PYGM: variants seen among roughly 807,000 people sequenced by gnomAD.
The protein encoded by PYGM is glycogen phosphorylase, muscle associated, also known as glycogen phosphorylase, muscle form.
PYGM carries 81 observed loss-of-function variants against 99.3 expected under a neutral mutation model. The observed-to-expected ratio is 0.82, with a 90% confidence interval of 0.68 to 0.98. The LOEUF is 0.98. Among genes scored for constraint, PYGM ranks in the 50% least tolerant of loss-of-function variants. The pLI, the probability that PYGM is intolerant of heterozygous loss-of-function variation, is 0.00. For synonymous variants in PYGM, 436 were observed against 451.5 expected (o/e 0.97, Z 0.44); for missense variants, 1,030 against 1,158.1 (o/e 0.89, Z 1.61).
rs1392346032 is a variant in PYGM at position 64,758,663 on chromosome 11, C to T, written c.285G>A (p.Thr95=). 12 of 1,613,074 alleles carry T rather than the reference C, an allele frequency of 7.4e-6. No individual in the cohort carries two copies. Among genetic ancestry groups the T allele is most frequent in the South Asian group, 3.3e-5 (3 of 91,062 alleles). ...CCAGGTTCACCATGGTGTTCTGTAG[C>T]GTCCGTCCCATATAGAACTCTAAAG... is the stretch of plus-strand genomic sequence containing the variant. ...YLSLEFYMGR[T]LQNTMVNLAL... The change falls in exon 2 of 20, where the codon ACG becomes ACA. Residue 95 remains threonine, a synonymous_variant. Coordinates refer to ENST00000164139, the MANE Select transcript of PYGM (RefSeq NM_005609.4).
Position 64,752,086 on chromosome 11 carries a change from G to A in PYGM, c.1621-15C>T, listed in dbSNP as rs776525656. 2.4e-5 allele frequency: 38 copies of A among 1,613,834 alleles called. No homozygotes were observed. The highest frequency in any genetic ancestry group is 4.4e-5 in the South Asian group (4 of 91,058). On this transcript the variant is annotated splice_polypyrimidine_tract_variant and intron_variant, in intron 13 of 19. Transcript: ENST00000164139. ...AACTTGTTTTCCTGGAGGCAGAGAC[G>A]GGGAAGGGCTCACCAACAGGCCACA...
At chr11:64,758,815 A>G in intron 1 of PYGM, 111 bp from the exon 2 acceptor site, 1 of 938,918 alleles carries the variant, frequency 1.1e-6, no homozygotes. Flanking sequence ...CAGCAGTCCC[A>G]TCCCTGTCCC....
In PYGM at chr11:64,753,900, C is replaced by T. The variant is rs757762621; in HGVS notation, c.1218G>A (p.Glu406=). ...TCACGTTGAGGAAGCGCTGGTTGAT[C>T]TCGTAGATGATCTGGAGGTGCCGCG... is the stretch of plus-strand genomic sequence containing the variant. ...LLPRHLQIIY[E]INQRFLNRVA... Residue 406 remains glutamate, a synonymous_variant, in exon 10 of 20, where the codon GAG becomes GAA. Transcript: ENST00000164139. 1.3e-6 allele frequency: 2 copies of T among 1,584,168 alleles called. No homozygotes were observed. The highest frequency in any genetic ancestry group is 2.3e-5 in the South Asian group (2 of 86,902).
rs180707608 is a variant in PYGM at position 64,753,408 on chromosome 11, G to A, written c.1403+111C>T. The A allele has an allele frequency of 3.6e-4, 517 of 1,429,202 alleles. No homozygotes were observed. The African/African-American group carries it at 6.7e-3, about 19-fold the overall frequency. 88.5% of individuals were successfully genotyped at this position (1,429,202 alleles called of 1,614,324 possible). A position where few individuals can be genotyped will look rare whatever the true frequency, so the allele number is the denominator to read the frequency against. On this transcript the variant is annotated intron_variant, in intron 11 of 19. Transcript: ENST00000164139. The stretch of plus-strand genomic sequence containing the variant: ...AAGAATGACGCCACCTGTGAAAGGC[G>A]CCAGGGCCCAGAGACCAGAGAGTGG...
chr11:64,760,189 G>A, upstream of PYGM: 2 of 453,544 alleles, frequency 4.4e-6, no homozygotes. Context: ...TCCAGGCCTT[G>A]CACATGGTCT....
intron 1 of PYGM, 128 bp downstream of exon 1, chr11:64,759,528 G>T: frequency 1.4e-6 from 2 of 1,455,102 alleles, no homozygotes; most frequent in South Asian, 1.2e-5. Flanking sequence ...CACCCCTTGT[G>T]CCTGGCACCC....
intron 11 of PYGM, 41 bp from the exon 12 acceptor site, chr11:64,753,228 T>C: frequency 2.0e-6 from 3 of 1,536,956 alleles, no homozygotes; most frequent in Non-Finnish European, 2.7e-6. Context: ...CTCACCCCTG[T>C]ACAATGAAGG....
chr11:64,757,833 G>T lies in PYGM; in HGVS notation c.606C>A (p.His202Gln). Residue 202 changes from histidine to glutamine, a missense_variant, in exon 5 of 20, where the codon CAC becomes CAA. By Grantham distance (24) the His-to-Gln change is conservative (BLOSUM62 0). Transcript: ENST00000164139. ...TGGTGTGCTCCACATGGCCGTAGAA[G>T]TGCACAGGTAGCGTGAACTCGGGCC... ...KARPEFTLPV[H>Q]FYGHVEHTSQ... 1 of 1,614,152 alleles carries T rather than the reference G, an allele frequency of 6.2e-7. No homozygotes were observed. Among genetic ancestry groups the T allele is most frequent in the Non-Finnish European group, 8.5e-7 (1 of 1,180,042 alleles).
At chr11:64,752,555 C>G (rs2058364364) in intron 12 of PYGM, 51 bp from the exon 13 acceptor site, 1 of 1,538,206 alleles carries the variant, frequency 6.5e-7, no homozygotes, top group Non-Finnish European at 8.9e-7. Context: ...CTCCCTCCTC[C>G]CAACACAGAA....
In PYGM at chr11:64,750,499, T is replaced by C. The variant is rs765656412; in HGVS notation, c.2054A>G (p.Asn685Ser). 8.1e-6 allele frequency: 13 copies of C among 1,614,098 alleles called. No homozygotes were observed. In the Admixed American group the frequency reaches 8.3e-5, roughly 10 times the overall value. Residue 685 changes from asparagine (N) to serine (S), a missense_variant, in exon 17 of 20, where the codon AAC (asparagine) becomes AGC (serine). Transcript: ENST00000164139. The part of the protein sequence containing the change: ...SGTGNMKFML[N>S]GALTIGTMDG... ...CATGGTGCCAATGGTCAGAGCCCCG[T>C]TGAGCATGAACTTCATGTTGCCGGT...
chr11:64,751,610 A>G lies in PYGM; in HGVS notation c.1814T>C (p.Met605Thr). The G allele has an allele frequency of 6.2e-7, 1 of 1,613,954 alleles. No individual in the cohort carries two copies. Among genetic ancestry groups the G allele is most frequent in the Non-Finnish European group, 8.5e-7 (1 of 1,179,896 alleles). The change falls in exon 15 of 20, where the codon ATG (methionine) becomes ACG (threonine). Residue 605 changes from methionine (M) to threonine (T), a missense_variant. Coordinates refer to ENST00000164139, the MANE Select transcript of PYGM (RefSeq NM_005609.4). ...CTGGCTTCTCACCTTCCCTCCAATC[A>G]TCACAGTCCGAGGCACAAAAAACTT... ...PNKFFVPRTV[M>T]IGGKAAPGYH...
intron 18 of PYGM, 52 bp downstream of exon 18, chr11:64,747,172 C>T (rs2058318032): frequency 7.5e-6 from 12 of 1,607,952 alleles, no homozygotes; most frequent in Non-Finnish European, 1.0e-5. Flanking sequence ...ACACCTGAGC[C>T]TCGATCTGCC....
intron 16 of PYGM, 52 bp from the exon 17 acceptor site, chr11:64,750,635 A>C (rs2058349891): frequency 6.4e-7 from 1 of 1,563,854 alleles, no homozygotes; most frequent in African/African-American, 1.4e-5. Context: ...CCCTCACACC[A>C]GCTGGGGACT....
chr11:64,753,902 C>G lies in PYGM; in HGVS notation c.1216G>C (p.Glu406Gln). 1.3e-6 allele frequency: 2 copies of G among 1,585,152 alleles called. No homozygotes were observed. Among genetic ancestry groups the G allele is most frequent in the South Asian group, 1.1e-5 (1 of 87,022 alleles). ...LLPRHLQIIY[E>Q]INQRFLNRVA... The stretch of plus-strand genomic sequence containing the variant: ...ACGTTGAGGAAGCGCTGGTTGATCT[C>G]GTAGATGATCTGGAGGTGCCGCGGC... The change falls in exon 10 of 20, where the codon GAG becomes CAG. Residue 406 changes from glutamate (E) to glutamine (Q), a missense_variant. Transcript: ENST00000164139.
chr11:64,746,920 C>T lies in PYGM; in HGVS notation c.2379+1G>A. On this transcript the variant is annotated splice_donor_variant, in intron 19 of 19. Transcript: ENST00000164139. LOFTEE classifies it high-confidence loss of function. ...CCAACCCCTGGCCCAGGACCCCTCA[C>T]CTTGTACAAGGCGCTGACTTTCTCC... is the stretch of plus-strand genomic sequence containing the variant. The T allele has an allele frequency of 6.2e-7, 1 of 1,614,210 alleles. No homozygotes were observed.
chr11:64,755,026 C>T lies in PYGM; in HGVS notation c.856-190G>A, dbSNP rs907180654. Among the ~76,000 whole-genome samples, 2 of 152,080 alleles carry T rather than the reference C, an allele frequency of 1.3e-5. No individual in the cohort carries two copies. Among genetic ancestry groups the T allele is most frequent in the Non-Finnish European group, 1.5e-5 (1 of 67,994 alleles). Reference sequence around the variant, plus strand: ...AGAGACAGTGTCAGGAAGAGGGGTACAAGAACCGAGTGTGTTGTGGGTGTC... The same window carrying T: ...AGAGACAGTGTCAGGAAGAGGGGTATAAGAACCGAGTGTGTTGTGGGTGTC... On this transcript the variant is annotated intron_variant, in intron 7 of 19. Transcript: ENST00000164139. This position sits in a 1 kb window ranked among gnomAD's most constrained non-coding sequence, Gnocchi z 4.1.
In PYGM at chr11:64,754,992, C is replaced by G. The variant is rs1314017285; in HGVS notation, c.856-156G>C. On this transcript the variant is annotated intron_variant, in intron 7 of 19. Coordinates refer to ENST00000164139, the MANE Select transcript of PYGM (RefSeq NM_005609.4). This position sits in a 1 kb window ranked among gnomAD's most constrained non-coding sequence, Gnocchi z 5.5. ...CCAGGGGCCTTTCCTCCACCAAGAACTAGTGGCGAGAGACAGTGTCAGGAA... is the reference window on the plus strand; with the variant it reads ...CCAGGGGCCTTTCCTCCACCAAGAAGTAGTGGCGAGAGACAGTGTCAGGAA... Among the ~76,000 whole-genome samples, 1 of 152,112 alleles carries G rather than the reference C, an allele frequency of 6.6e-6. No homozygotes were observed. Among genetic ancestry groups the G allele is most frequent in the African/African-American group, 2.4e-5 (1 of 41,420 alleles).
In PYGM at chr11:64,751,392, G is replaced by T. The variant is rs776043985; in HGVS notation, c.1902C>A (p.Asp634Glu). The change falls in exon 16 of 20, where the codon GAC (aspartate) becomes GAA (glutamate). Residue 634 changes from aspartate (D) to glutamate (E), a missense_variant. Coordinates refer to ENST00000164139, the MANE Select transcript of PYGM (RefSeq NM_005609.4). ...CACGGAGGCGGTCACCCACTGCCGG[G>T]TCATGGTTGACCACATCCCCGATGG... ...VTAIGDVVNHDPAVGDRLRVI... is the reference protein window; with the variant it reads ...VTAIGDVVNHEPAVGDRLRVI... 1 of 1,614,042 alleles carries T rather than the reference G, an allele frequency of 6.2e-7. No individual in the cohort carries two copies. The highest frequency in any genetic ancestry group is 8.5e-7 in the Non-Finnish European group (1 of 1,180,040).
Position 64,758,421 on chromosome 11 carries a change from G to A in PYGM, c.424+16C>T, listed in dbSNP as rs201194596. On this transcript the variant is annotated intron_variant, in intron 3 of 19. Coordinates refer to ENST00000164139, the MANE Select transcript of PYGM (RefSeq NM_005609.4). Reference sequence around the variant, plus strand: ...CCCCATCGGCCCACTCCACCCTCACGGCCCTGTCTTCTTACCTGCCAGCCG... The same window carrying A: ...CCCCATCGGCCCACTCCACCCTCACAGCCCTGTCTTCTTACCTGCCAGCCG... 2.8e-5 allele frequency: 45 copies of A among 1,613,490 alleles called. No individual in the cohort carries two copies. Among genetic ancestry groups the A allele is most frequent in the African/African-American group, 4.0e-5 (3 of 74,994 alleles).
Sources: allele counts gnomAD v4.1 joint callset (sites outside exome capture counted in the v4.1 genomes callset), GRCh38; gene constraint gnomAD v4.1.1; non-coding constraint Gnocchi (gnomAD v3.1); transcripts MANE v1.5; gene names NCBI Gene and HGNC (gene_info 2026-07-23, HGNC 2026-07-21).